DTNB: variants seen among roughly 807,000 people sequenced by gnomAD.
DTNB encodes dystrobrevin beta, also known as DTN-B.
A neutral mutation model predicts 90.7 loss-of-function variants in DTNB; 63 were observed. That is an observed-to-expected ratio of 0.69 (90% CI 0.57 to 0.86). The LOEUF (loss-of-function observed/expected upper bound fraction) is 0.86. Ranked by LOEUF, DTNB falls within the 40% of genes least tolerant of loss-of-function variation. DTNB has a pLI of 0.00. For synonymous variants in DTNB, 277 were observed against 286.7 expected (o/e 0.97, Z 0.34); for missense variants, 744 against 807.1 (o/e 0.92, Z 0.95).
chr2:25,515,605 A>G (rs2074939295), intron 9 of DTNB, among the ~76,000 whole-genome samples: 1 of 149,986 alleles, frequency 6.7e-6, no homozygotes, highest in African/African-American at 2.5e-5. Context: ...TTATTTATTT[A>G]AGACTGAGTC....
At chr2:25,539,704 G>A (rs1229526539) in intron 8 of DTNB, among the ~76,000 whole-genome samples, 2 of 149,302 alleles carry the variant, frequency 1.3e-5, no homozygotes, top group South Asian at 4.3e-4. Context: ...CTATGTTTTT[G>A]ATGAACATCT....
chr2:25,522,287 T>G (rs1420856386), intron 9 of DTNB, among the ~76,000 whole-genome samples: 1 of 152,214 alleles, frequency 6.6e-6, no homozygotes, highest in Non-Finnish European at 1.5e-5. Context: ...CAAAGAAATA[T>G]GCCTGACATC....
intron 16 of DTNB, among the ~76,000 whole-genome samples, chr2:25,401,667 T>C (rs543062828): frequency 6.6e-5 from 10 of 152,368 alleles, no homozygotes; most frequent in African/African-American, 2.4e-4. Context: ...GCACACATTA[T>C]AGTCAGGTAA....
chr2:25,427,978 A>G, intron 14 of DTNB: 1 of 175,834 alleles, frequency 5.7e-6, no homozygotes, highest in South Asian at 1.3e-4. Context: ...AAGAAACCAT[A>G]TTAAACTGCT....
At chr2:25,500,303 T>TA in intron 9 of DTNB, among the ~76,000 whole-genome samples, 1 of 152,276 alleles carries the variant, frequency 6.6e-6, no homozygotes, top group African/African-American at 2.4e-5. Context: ...ATGGAAAAGA[T>TA]ATCCAGACAA....
At chr2:25,414,330 C>G (rs1166277166) in intron 16 of DTNB, among the ~76,000 whole-genome samples, 1 of 152,178 alleles carries the variant, frequency 6.6e-6, no homozygotes, top group African/African-American at 2.4e-5. Flanking sequence ...GATCTCGGCT[C>G]ACTGTGAGCT....
At chr2:25,542,280 T>A (rs1426829948) in intron 8 of DTNB, among the ~76,000 whole-genome samples, 1 of 152,192 alleles carries the variant, frequency 6.6e-6, no homozygotes, top group African/African-American at 2.4e-5. Flanking sequence ...ATATTTTATA[T>A]GAGTCTTTTG....
chr2:25,456,622 G>C (rs138747425), intron 10 of DTNB, among the ~76,000 whole-genome samples: 1 of 152,074 alleles, frequency 6.6e-6, no homozygotes, highest in Non-Finnish European at 1.5e-5. Context: ...TCCCAGGCTA[G>C]AGTGCAATGG....
At chr2:25,432,779 G>A (rs1211666771) in intron 14 of DTNB, 107 bp downstream of exon 14, 8 of 1,171,424 alleles carry the variant, frequency 6.8e-6, no homozygotes, top group Non-Finnish European at 9.8e-6. Flanking sequence ...GCGCTCACAG[G>A]ATTGTTTATA....
chr2:25,389,006 T>G (rs889904069), intron 16 of DTNB, among the ~76,000 whole-genome samples: 3 of 152,002 alleles, frequency 2.0e-5, no homozygotes, highest in Non-Finnish European at 4.4e-5. Context: ...GCCACCACGC[T>G]GGGCTAATTT....
chr2:25,560,235 T>C (rs2058049691), intron 8 of DTNB, among the ~76,000 whole-genome samples: 1 of 152,178 alleles, frequency 6.6e-6, no homozygotes, highest in Non-Finnish European at 1.5e-5. Flanking sequence ...AAAGTGAGAC[T>C]CCGTCTCAAA....
chr2:25,627,895 C>T (rs965468047), intron 4 of DTNB, among the ~76,000 whole-genome samples: 1 of 152,166 alleles, frequency 6.6e-6, no homozygotes. Flanking sequence ...CACCACCACG[C>T]CCGGCTAATT....
chr2:25,569,273 T>C (rs1462552589), intron 8 of DTNB, among the ~76,000 whole-genome samples: 1 of 152,216 alleles, frequency 6.6e-6, no homozygotes, highest in African/African-American at 2.4e-5. Flanking sequence ...TCACTAACTT[T>C]TGCTGCTTAT....
chr2:25,527,498 C>A (rs1476598189), intron 9 of DTNB, among the ~76,000 whole-genome samples: 1 of 150,376 alleles, frequency 6.6e-6, no homozygotes, highest in East Asian at 1.9e-4. Context: ...TCCAGCCTGG[C>A]GACAGACTGA....
chr2:25,576,675 GAGGAAGC>G (rs1187961679), intron 8 of DTNB, 156 bp downstream of exon 8: 9 of 877,430 alleles, frequency 1.0e-5, no homozygotes, highest in Non-Finnish European at 1.4e-5. Context: ...AAAATCAAGT[GAGGAAGC>G]ACAACATTTT....
rs1272450186 is a variant in DTNB, at chr2:25,550,796, C to T, written c.877-19199G>A. On this transcript the variant is annotated intron_variant, in intron 8 of 20. Transcript: ENST00000406818. ...TCCTGAGTAGCTGGAACCACAGGCA[C>T]GTGCCACCACACCCGGCTAATCTTT... 4.6e-5 allele frequency among the ~76,000 whole-genome samples: 7 copies of T among 152,134 alleles called. No individual in the cohort carries two copies. The South Asian group carries it at 6.2e-4, about 14-fold the overall frequency.
At chr2:25,437,908 A>C (rs532137433) in intron 12 of DTNB, among the ~76,000 whole-genome samples, 47 of 152,348 alleles carry the variant, frequency 3.1e-4, no homozygotes, top group Middle Eastern at 3.4e-3. Flanking sequence ...TAAGAAACCC[A>C]AAAAATAAAT....
chr2:25,410,315 C>T (rs2046275953), intron 16 of DTNB, among the ~76,000 whole-genome samples: 1 of 152,186 alleles, frequency 6.6e-6, no homozygotes, highest in East Asian at 1.9e-4. Context: ...CTCAGCCTGA[C>T]ATTGATGAGT....
chr2:25,660,710 T>C (rs900116153), intron 1 of DTNB, among the ~76,000 whole-genome samples: 47 of 152,202 alleles, frequency 3.1e-4, no homozygotes, highest in African/African-American at 1.1e-3. Flanking sequence ...CGCTGTATAA[T>C]TCCAAAACTG....
Sources: allele counts gnomAD v4.1 joint callset (sites outside exome capture counted in the v4.1 genomes callset), GRCh38; gene constraint gnomAD v4.1.1; transcripts MANE v1.5; gene names NCBI Gene and HGNC (gene_info 2026-07-23, HGNC 2026-07-21).